LARGE1: variants seen among roughly 807,000 people sequenced by gnomAD.
LARGE1 encodes LARGE xylosyl- and glucuronyltransferase 1.
LARGE1 carries 43 observed loss-of-function variants against 87.6 expected under a neutral mutation model. That is an observed-to-expected ratio of 0.49 (90% CI 0.38 to 0.63). The LOEUF (loss-of-function observed/expected upper bound fraction) is 0.63, where lower values mean the gene tolerates loss of function less well. LARGE1 is among the 30% of genes least tolerant of loss of function. The pLI is 0.00. For missense variants in LARGE1, 802 were observed against 1,000.2 expected (o/e 0.80, Z 2.67); for synonymous variants, 434 against 394.6 (o/e 1.10, Z -1.18).
At chr22:33,266,229 T>C (rs1247622910) in intron 11 of LARGE1, among the ~76,000 whole-genome samples, 1 of 146,864 alleles carries the variant, frequency 6.8e-6, no homozygotes, top group Non-Finnish European at 1.5e-5. Flanking sequence ...CTTTTTTTTT[T>C]TTTTTTTTTG....
chr22:33,222,595 G>A (rs999770279), intron 11 of LARGE1, among the ~76,000 whole-genome samples: 1 of 152,144 alleles, frequency 6.6e-6, no homozygotes, highest in Non-Finnish European at 1.5e-5. Context: ...GTCGGAAGAG[G>A]AGACTCACAC....
chr22:33,719,677 C>G (rs927122584), intron 2 of LARGE1, among the ~76,000 whole-genome samples: 1 of 151,984 alleles, frequency 6.6e-6, no homozygotes, highest in Non-Finnish European at 1.5e-5. Context: ...CCCACCACAA[C>G]GCCTGGCTAA....
At chr22:33,304,974 A>G (rs2146173065) in intron 11 of LARGE1, among the ~76,000 whole-genome samples, 1 of 152,318 alleles carries the variant, frequency 6.6e-6, no homozygotes, top group South Asian at 2.1e-4. Context: ...TACAACAACT[A>G]TAATTACAGA....
chr22:33,286,434 G>A (rs531389586), intron 12 of LARGE1, among the ~76,000 whole-genome samples: 1 of 152,310 alleles, frequency 6.6e-6, no homozygotes, highest in Non-Finnish European at 1.5e-5. Flanking sequence ...CTGGGGCAGG[G>A]GGGAAGGTGT....
chr22:33,570,863 A>G (rs1021425644), intron 5 of LARGE1, among the ~76,000 whole-genome samples: 23 of 151,960 alleles, frequency 1.5e-4, no homozygotes, highest in Non-Finnish European at 1.3e-4. Context: ...CTTCAGTCCA[A>G]CCAGGAACTT....
chr22:33,245,868 C>T (rs1461740482), intron 11 of LARGE1, among the ~76,000 whole-genome samples: 1 of 152,176 alleles, frequency 6.6e-6, no homozygotes, highest in Non-Finnish European at 1.5e-5. Context: ...GAGATTGCGC[C>T]ACTGCACTCC....
chr22:33,674,634 C>T (rs1399023603), intron 2 of LARGE1, among the ~76,000 whole-genome samples: 1 of 152,168 alleles, frequency 6.6e-6, no homozygotes, highest in African/African-American at 2.4e-5. Context: ...CACTGCCAGG[C>T]CTTTGCAAGC....
chr22:33,408,228 AC>A (rs1412419761), intron 7 of LARGE1, among the ~76,000 whole-genome samples: 1 of 151,826 alleles, frequency 6.6e-6, no homozygotes, highest in African/African-American at 2.4e-5. Flanking sequence ...CAGGTGATCT[AC>A]CCGCCTCGGC....
the LARGE1 span, among the ~76,000 whole-genome samples, chr22:33,120,931 A>G: frequency 6.6e-6 from 1 of 151,958 alleles, no homozygotes; most frequent in Non-Finnish European, 1.5e-5. Context: ...AATAGGTCTG[A>G]TCTGTGGTTT....
intron 9 of LARGE1, among the ~76,000 whole-genome samples, chr22:33,362,638 A>C (rs2064428852): frequency 6.7e-6 from 1 of 149,928 alleles, no homozygotes; most frequent in South Asian, 2.2e-4. Flanking sequence ...TTATTACCGA[A>C]GGTGTTTTTC....
At chr22:33,697,487 G>A (rs2082284796) in intron 2 of LARGE1, among the ~76,000 whole-genome samples, 1 of 127,438 alleles carries the variant, frequency 7.8e-6, no homozygotes, top group Admixed American at 9.9e-5. Flanking sequence ...ACGAGGTCAG[G>A]AGATTGAGAC....
At chr22:33,775,863 A>AAG (rs908277232) in intron 1 of LARGE1, among the ~76,000 whole-genome samples, 108 of 151,626 alleles carry the variant, frequency 7.1e-4, no homozygotes, top group Non-Finnish European at 1.4e-3. Flanking sequence ...AAAAAAAAAA[A>AAG]AAAAAGACTC....
intron 1 of LARGE1, among the ~76,000 whole-genome samples, chr22:33,898,041 C>T (rs1195721793): frequency 1.3e-5 from 2 of 152,162 alleles, no homozygotes; most frequent in African/African-American, 4.8e-5. Context: ...CCAGTCCTGT[C>T]ACTCCTTTCA....
Position 33,387,278 on chromosome 22 carries a change from C to G in LARGE1, c.893-2974G>C, listed in dbSNP as rs1415624480. Among the ~76,000 whole-genome samples the G allele has an allele frequency of 2.7e-5, 4 of 149,312 alleles. 1 individual carries two copies. The highest frequency in any genetic ancestry group is 4.5e-5 in the Non-Finnish European group (3 of 66,932). ...CACCTCTACTAAAAATACAAAAAAA[C>G]TAGCCGGGTGTGGTGGTGCACGCCT... On this transcript the variant is annotated intron_variant, in intron 7 of 14. Transcript: ENST00000397394.
At chr22:33,522,712 T>A (rs2071672162) in intron 6 of LARGE1, among the ~76,000 whole-genome samples, 1 of 151,672 alleles carries the variant, frequency 6.6e-6, no homozygotes, top group African/African-American at 2.4e-5. Context: ...GCACCTGCAA[T>A]CCTAGCTACT....
chr22:33,854,759 T>C (rs923300121), intron 1 of LARGE1, among the ~76,000 whole-genome samples: 3 of 152,130 alleles, frequency 2.0e-5, no homozygotes, highest in African/African-American at 4.8e-5. Flanking sequence ...GGAGATGCAG[T>C]TGTGATTTAT....
At chr22:33,397,482 C>T (rs1159206306) in intron 7 of LARGE1, among the ~76,000 whole-genome samples, 1 of 152,192 alleles carries the variant, frequency 6.6e-6, no homozygotes, top group African/African-American at 2.4e-5. Context: ...TTGAATCATA[C>T]AGTATGTGCC....
chr22:33,916,152 G>A (rs1455635325), intron 1 of LARGE1, among the ~76,000 whole-genome samples: 1 of 151,974 alleles, frequency 6.6e-6, no homozygotes, highest in African/African-American at 2.4e-5. Flanking sequence ...GTGGGGGCGG[G>A]CGCCTGTAAT....
chr22:33,182,416 C>T (rs137381), intron 11 of LARGE1, among the ~76,000 whole-genome samples: 68,920 of 151,862 alleles, frequency 0.45, 15,967 homozygotes, highest in Middle Eastern at 0.51. Context: ...GTGTCTGTAT[C>T]TCTTTCAGTT....
Sources: allele counts gnomAD v4.1 joint callset (sites outside exome capture counted in the v4.1 genomes callset), GRCh38; gene constraint gnomAD v4.1.1; transcripts MANE v1.5; gene names NCBI Gene and HGNC (gene_info 2026-07-23, HGNC 2026-07-21).